Variants in PHF24 observed in about 807,000 individuals in gnomAD.
The protein encoded by PHF24 is PHD finger protein 24, also known as Galpha inhibitory interacting protein.
PHF24 carries 25 observed loss-of-function variants against 42.6 expected under a neutral mutation model. That is an observed-to-expected ratio of 0.59 (90% CI 0.43 to 0.82). The LOEUF (loss-of-function observed/expected upper bound fraction) is 0.82, where lower values mean the gene tolerates loss of function less well. Ranked by LOEUF, PHF24 falls within the 40% of genes least tolerant of loss-of-function variation. The pLI is 0.00. For missense variants in PHF24, 470 were observed against 538.1 expected (o/e 0.87, Z 1.25); for synonymous variants, 185 against 204.8 (o/e 0.90, Z 0.83).
chr9:34,686,675 G>A, the PHF24 span, among the ~76,000 whole-genome samples: 83 of 152,276 alleles, frequency 5.5e-4, no homozygotes, highest in African/African-American at 1.9e-3. Flanking sequence ...TTGGCCTTTA[G>A]GATGGGAGGT....
At chr9:34,808,233 C>G in the PHF24 span, among the ~76,000 whole-genome samples, 1 of 152,134 alleles carries the variant, frequency 6.6e-6, no homozygotes, top group Non-Finnish European at 1.5e-5. Context: ...AAGTATAGTA[C>G]TTCATAGTAG....
chr9:34,892,091 C>T, the PHF24 span, among the ~76,000 whole-genome samples: 2 of 152,080 alleles, frequency 1.3e-5, no homozygotes, highest in African/African-American at 4.8e-5. Flanking sequence ...CAGTAATGTG[C>T]AGAAAAGAGA....
chr9:34,978,259 A>G, exon 8 of PHF24: 1 of 622,682 alleles, frequency 1.6e-6, no homozygotes, highest in Non-Finnish European at 2.9e-6. Flanking sequence ...AGGCACTGAA[A>G]TCACCATTCC....
chr9:34,736,295 T>G, the PHF24 span, among the ~76,000 whole-genome samples: 104,851 of 147,442 alleles, frequency 0.71, 39,596 homozygotes, highest in East Asian at 0.94. Context: ...TGGCCAGGGG[T>G]TTTTCAAAAA....
the PHF24 span, among the ~76,000 whole-genome samples, chr9:34,785,092 T>G: frequency 6.6e-6 from 1 of 152,200 alleles, no homozygotes; most frequent in Admixed American, 6.5e-5. Flanking sequence ...AGAGATGTAT[T>G]TCTTACAGTT....
the PHF24 span, among the ~76,000 whole-genome samples, chr9:34,843,143 A>C: frequency 6.6e-6 from 1 of 152,204 alleles, no homozygotes; most frequent in Non-Finnish European, 1.5e-5. Context: ...GATTGTTTTC[A>C]TCCTTATTAG....
At chr9:34,819,942 G>A in the PHF24 span, among the ~76,000 whole-genome samples, 1,012 of 151,988 alleles carry the variant, frequency 6.7e-3, 8 homozygotes, top group Middle Eastern at 0.038. Flanking sequence ...ATTCTATCAG[G>A]TTTTGTTTCC....
the PHF24 span, among the ~76,000 whole-genome samples, chr9:34,949,924 G>GT: frequency 6.6e-6 from 1 of 151,668 alleles, no homozygotes; most frequent in African/African-American, 2.4e-5. Flanking sequence ...TAGATGATGG[G>GT]TTGATAGGTG....
At chr9:34,933,724 CA>C in the PHF24 span, among the ~76,000 whole-genome samples, 1,908 of 110,544 alleles carry the variant, frequency 0.017, 41 homozygotes, top group African/African-American at 0.059. Context: ...GACTCTGTCT[CA>C]AAAAAAAAAA....
chr9:34,789,062 G>A, the PHF24 span, among the ~76,000 whole-genome samples: 1 of 152,168 alleles, frequency 6.6e-6, no homozygotes, highest in Non-Finnish European at 1.5e-5. Context: ...GCCCACGCAC[G>A]CAGACCAACT....
chr9:34,915,682 G>A, the PHF24 span, among the ~76,000 whole-genome samples: 1 of 152,170 alleles, frequency 6.6e-6, no homozygotes, highest in Non-Finnish European at 1.5e-5. Context: ...GATCGTCTGG[G>A]ATATAATGAC....
chr9:34,687,398 G>A, the PHF24 span, among the ~76,000 whole-genome samples: 1 of 152,144 alleles, frequency 6.6e-6, no homozygotes, highest in African/African-American at 2.4e-5. Context: ...TCTTTGTTTG[G>A]AAGGAGTCTC....
the PHF24 span, chr9:34,894,915 G>C: frequency 2.5e-6 from 1 of 396,662 alleles, no homozygotes; most frequent in East Asian, 3.6e-5. Context: ...AATTGTCCCT[G>C]GGGGGTACTA....
At chr9:34,710,166 G>T in the PHF24 span, 1 of 885,070 alleles carries the variant, frequency 1.1e-6, no homozygotes, top group Non-Finnish European at 1.8e-6. Context: ...TGCTATTTAT[G>T]TAGCTAGACA....
the PHF24 span, chr9:34,723,847 C>T: frequency 6.4e-7 from 1 of 1,551,708 alleles, no homozygotes; most frequent in East Asian, 2.4e-5. Flanking sequence ...CAGACTCTTT[C>T]TCCCCAGGGA....
At chr9:34,816,026 G>T in the PHF24 span, among the ~76,000 whole-genome samples, 11 of 151,702 alleles carry the variant, frequency 7.3e-5, no homozygotes, top group East Asian at 1.9e-3. Flanking sequence ...AAATGAGGGG[G>T]TTTAAATGTT....
the PHF24 span, among the ~76,000 whole-genome samples, chr9:34,830,931 A>G: frequency 4.6e-5 from 7 of 152,320 alleles, no homozygotes; most frequent in Non-Finnish European, 7.3e-5. Flanking sequence ...AATAATAACT[A>G]TGTATTTCCC....
chr9:34,972,452 T>C (rs1827027421), exon 3 of PHF24: 1 of 1,614,074 alleles, frequency 6.2e-7, no homozygotes, highest in Non-Finnish European at 8.5e-7. Context: ...CTGCGCCGCA[T>C]GGGCTACATC....
chr9:34,768,184 C>A, the PHF24 span, among the ~76,000 whole-genome samples: 1 of 152,220 alleles, frequency 6.6e-6, no homozygotes, highest in Non-Finnish European at 1.5e-5. Context: ...ACTCTGCACT[C>A]CCAGAGCTTA....
Sources: allele counts gnomAD v4.1 joint callset (sites outside exome capture counted in the v4.1 genomes callset), GRCh38; gene constraint gnomAD v4.1.1; transcripts MANE v1.5; gene names NCBI Gene and HGNC (gene_info 2026-07-23, HGNC 2026-07-21).